NBAS: variants seen among roughly 807,000 people sequenced by gnomAD.
NBAS encodes NBAS subunit of NRZ tethering complex, also known as NAG/BC035112 fusion.
A neutral mutation model predicts 302.5 loss-of-function variants in NBAS; 219 were observed. That is an observed-to-expected ratio of 0.72 (90% CI 0.65 to 0.81). The LOEUF (loss-of-function observed/expected upper bound fraction) is 0.81, where lower values mean the gene tolerates loss of function less well. Among genes scored for constraint, NBAS ranks in the 30% least tolerant of loss-of-function variants. The probability of loss-of-function intolerance (pLI) is 0.00; values close to 1 mark genes in which losing one functional copy is unlikely to be tolerated. For missense variants in NBAS, 2,932 were observed against 2,841.6 expected, an observed-to-expected ratio of 1.03 and a Z score of -0.72; for synonymous variants, 1,118 against 1,021.6, an observed-to-expected ratio of 1.09 and a Z score of -1.80.
the NBAS span, among the ~76,000 whole-genome samples, chr2:14,974,800 C>A: frequency 6.6e-6 from 1 of 152,156 alleles, no homozygotes; most frequent in Non-Finnish European, 1.5e-5. Flanking sequence ...GGAGATATCA[C>A]TCCCATGATT....
At chr2:15,183,032 A>C (rs1664902353) in intron 50 of NBAS, among the ~76,000 whole-genome samples, 2 of 152,160 alleles carry the variant, frequency 1.3e-5, no homozygotes, top group South Asian at 4.2e-4. Flanking sequence ...ACGACAACCA[A>C]AGGTATTGAA....
At chr2:15,328,160 T>G in intron 37 of NBAS, 39 bp downstream of exon 37, 2 of 1,560,736 alleles carry the variant, frequency 1.3e-6, no homozygotes, top group Non-Finnish European at 1.8e-6. Context: ...TACAACAGCA[T>G]GACAGTTAAA....
intron 3 of NBAS, among the ~76,000 whole-genome samples, chr2:15,556,287 C>CT (rs757166109): frequency 2.2e-4 from 33 of 152,060 alleles, no homozygotes; most frequent in Non-Finnish European, 4.1e-4. Context: ...AGAATTATAA[C>CT]TTTTTTGTCA....
At chr2:14,788,369 T>C in the NBAS span, among the ~76,000 whole-genome samples, 2 of 151,686 alleles carry the variant, frequency 1.3e-5, no homozygotes, top group Non-Finnish European at 2.9e-5. Flanking sequence ...GGTGAGGAAC[T>C]GCATTCCTTT....
At chr2:14,918,383 A>G in the NBAS span, among the ~76,000 whole-genome samples, 4 of 151,866 alleles carry the variant, frequency 2.6e-5, no homozygotes, top group Non-Finnish European at 2.9e-5. Context: ...ACCTGAGTAG[A>G]GTTAGTAGAG....
chr2:15,273,240 C>A (rs2148048285), intron 44 of NBAS, among the ~76,000 whole-genome samples: 1 of 152,358 alleles, frequency 6.6e-6, no homozygotes, highest in Non-Finnish European at 1.5e-5. Context: ...AGTCTCAGAT[C>A]TGAGCTGGTT....
intron 26 of NBAS, chr2:15,397,582 CA>C: frequency 1.6e-6 from 1 of 620,470 alleles, no homozygotes; most frequent in South Asian, 1.4e-5. Context: ...GCTTCACATA[CA>C]GCTTGGGAAG....
intron 48 of NBAS, among the ~76,000 whole-genome samples, chr2:15,199,860 C>T (rs1202061731): frequency 6.6e-6 from 1 of 150,606 alleles, no homozygotes; most frequent in Non-Finnish European, 1.5e-5. Flanking sequence ...CATTATCAAC[C>T]ACATAATGTA....
At chr2:15,266,050 C>T (rs1415515677) in intron 44 of NBAS, among the ~76,000 whole-genome samples, 2 of 152,094 alleles carry the variant, frequency 1.3e-5, no homozygotes, top group African/African-American at 2.4e-5. Flanking sequence ...GAGTAGTTTC[C>T]CCCATGCTGC....
the NBAS span, among the ~76,000 whole-genome samples, chr2:15,106,848 G>A: frequency 2.0e-5 from 3 of 152,030 alleles, no homozygotes; most frequent in African/African-American, 7.2e-5. Flanking sequence ...TATTAATCCA[G>A]TTACCCATAG....
the NBAS span, among the ~76,000 whole-genome samples, chr2:15,005,711 ATG>A: frequency 3.9e-5 from 6 of 152,248 alleles, no homozygotes; most frequent in Non-Finnish European, 7.3e-5. Flanking sequence ...TTAAGAAAAC[ATG>A]TGACCCTAAA....
At chr2:15,132,498 C>T in the NBAS span, among the ~76,000 whole-genome samples, 1 of 152,176 alleles carries the variant, frequency 6.6e-6, no homozygotes, top group East Asian at 1.9e-4. Context: ...GACATTATAA[C>T]AGTGGATATA....
At chr2:14,937,878 C>A in the NBAS span, among the ~76,000 whole-genome samples, 1 of 152,204 alleles carries the variant, frequency 6.6e-6, no homozygotes, top group South Asian at 2.1e-4. Context: ...CGCCTGTAAT[C>A]CCAGCACTTT....
the NBAS span, among the ~76,000 whole-genome samples, chr2:15,132,687 G>C: frequency 6.6e-6 from 1 of 152,130 alleles, no homozygotes. Flanking sequence ...GGTGCGGCAG[G>C]GGGTAAACAG....
chr2:15,394,771 G>A (rs528019915), intron 27 of NBAS, among the ~76,000 whole-genome samples: 108 of 152,114 alleles, frequency 7.1e-4, no homozygotes, highest in African/African-American at 2.1e-3. Flanking sequence ...AGAGTTAGAC[G>A]ACTGGAAATC....
At chr2:15,377,383 C>T (rs1037981868) in intron 30 of NBAS, among the ~76,000 whole-genome samples, 16 of 152,160 alleles carry the variant, frequency 1.1e-4, no homozygotes, top group African/African-American at 3.1e-4. Context: ...CACATGATAA[C>T]AAAGACCAAA....
At position 15,468,361 on chromosome 2, in the gene NBAS, C is replaced by T. The variant is rs765904032; in HGVS notation, c.1877+21G>A. The T allele has an allele frequency of 4.3e-6, 7 of 1,613,648 alleles. No homozygotes were observed. The East Asian group carries it at 1.6e-4, about 36-fold the overall frequency. On this transcript the variant is annotated intron_variant, in intron 17 of 51. Coordinates refer to ENST00000281513, the MANE Select transcript of NBAS (RefSeq NM_015909.4). ...TCACAAAGTCACCTTTACTTTGAAT[C>T]CAATTCTTTCTGTAACCAACCTGCC...
chr2:14,920,762 T>C, the NBAS span, among the ~76,000 whole-genome samples: 3 of 152,158 alleles, frequency 2.0e-5, no homozygotes, highest in South Asian at 2.1e-4. Context: ...TTCTGCAGCT[T>C]TCTCACCTCT....
At chr2:14,848,102 A>AG in the NBAS span, among the ~76,000 whole-genome samples, 631 of 151,984 alleles carry the variant, frequency 4.2e-3, 5 homozygotes, top group African/African-American at 0.015. Context: ...GAACAGCTCC[A>AG]GTCTACAGCT....
Sources: allele counts gnomAD v4.1 joint callset (sites outside exome capture counted in the v4.1 genomes callset), GRCh38; gene constraint gnomAD v4.1.1; transcripts MANE v1.5; gene names NCBI Gene and HGNC (gene_info 2026-07-23, HGNC 2026-07-21).